Variants in TCERG1L observed in about 807,000 individuals in gnomAD.
The protein encoded by TCERG1L is transcription elongation regulator 1-like protein.
A neutral mutation model predicts 56.3 loss-of-function variants in TCERG1L; 37 were observed. That is an observed-to-expected ratio of 0.66 (90% CI 0.51 to 0.87). The LOEUF is 0.87. Among genes scored for constraint, TCERG1L ranks in the 40% least tolerant of loss-of-function variants. TCERG1L has a pLI of 0.00. For synonymous variants in TCERG1L, 324 were observed against 326.3 expected, an observed-to-expected ratio of 0.99 and a Z score of 0.08; for missense variants, 799 against 774.2, an observed-to-expected ratio of 1.03 and a Z score of -0.38.
chr10:131,308,076 T>C (rs1048737278), intron 3 of TCERG1L, 135 bp downstream of exon 3: 6 of 1,040,108 alleles, frequency 5.8e-6, no homozygotes, highest in Admixed American at 3.0e-5. Context: ...AAAAGCTTCA[T>C]GCTTGTGAAA....
In TCERG1L at chr10:131,311,181, G is replaced by T; in HGVS notation, c.342+113C>A. The T allele has an allele frequency of 1.2e-6, 1 of 866,628 alleles. No homozygotes were observed. Among genetic ancestry groups the T allele is most frequent in the Non-Finnish European group, 1.5e-6 (1 of 674,922 alleles). The allele number at this position is 866,628 out of a possible 1,614,324, so 53.7% of individuals were successfully genotyped here. ...CCGTCCTGAGGGTTTGGGGCGGCGA[G>T]GACCGCCGGGGAGGAGGGCGCGCGA... On this transcript the variant is annotated intron_variant, in intron 1 of 11. Transcript: ENST00000368642. The surrounding 1 kb of genome is among the most constrained non-coding windows in gnomAD (Gnocchi z 4.0).
At chr10:131,178,185 C>G (rs1332585263) in intron 4 of TCERG1L, among the ~76,000 whole-genome samples, 3 of 152,078 alleles carry the variant, frequency 2.0e-5, no homozygotes, top group African/African-American at 4.8e-5. Context: ...GAGCCTTTGC[C>G]CGGGGAGGTC....
At chr10:131,234,992 G>A (rs922554342) in intron 4 of TCERG1L, among the ~76,000 whole-genome samples, 18 of 152,162 alleles carry the variant, frequency 1.2e-4, no homozygotes, top group Non-Finnish European at 1.6e-4. Context: ...GTGAGCCACC[G>A]TGCTCAGCTG....
At chr10:131,276,924 C>T (rs761826196) in intron 3 of TCERG1L, among the ~76,000 whole-genome samples, 134 of 152,152 alleles carry the variant, frequency 8.8e-4, no homozygotes, top group Admixed American at 1.4e-3. Flanking sequence ...AATGAATATG[C>T]GCAGTATTGG....
intron 3 of TCERG1L, among the ~76,000 whole-genome samples, chr10:131,304,359 G>A (rs1430744293): frequency 6.6e-6 from 1 of 152,022 alleles, no homozygotes; most frequent in Non-Finnish European, 1.5e-5. Flanking sequence ...AGACTCCTTG[G>A]AGGGTACTCT....
chr10:131,214,657 G>A (rs1158282792), intron 4 of TCERG1L, among the ~76,000 whole-genome samples: 1 of 152,176 alleles, frequency 6.6e-6, no homozygotes, highest in African/African-American at 2.4e-5. Context: ...CACTCATACA[G>A]GGATTTCCAG....
At chr10:131,156,451 C>T (rs1023215069) in intron 6 of TCERG1L, among the ~76,000 whole-genome samples, 1 of 152,080 alleles carries the variant, frequency 6.6e-6, no homozygotes, top group African/African-American at 2.4e-5. Context: ...AAAGCATGTC[C>T]CTGGGATTTG....
intron 4 of TCERG1L, among the ~76,000 whole-genome samples, chr10:131,191,864 C>CAAAAAAAAAAAAAAAA (rs59816491): frequency 3.9e-3 from 113 of 28,636 alleles, no homozygotes; most frequent in East Asian, 6.8e-3. Flanking sequence ...GACTCCGTCT[C>CAAAAAAAAAAAAAAAA]AAAAAAAAAA....
At chr10:131,173,625 C>T (rs184486576) in intron 4 of TCERG1L, among the ~76,000 whole-genome samples, 146 of 152,312 alleles carry the variant, frequency 9.6e-4, no homozygotes, top group South Asian at 5.2e-3. Flanking sequence ...CCAGCCCCGG[C>T]GCAAGGCGGA....
chr10:131,261,876 A>C (rs1351526996), intron 3 of TCERG1L, among the ~76,000 whole-genome samples: 1 of 152,208 alleles, frequency 6.6e-6, no homozygotes, highest in Non-Finnish European at 1.5e-5. Flanking sequence ...TGGCCAGGAA[A>C]GTCCTCACTG....
chr10:131,220,794 G>A (rs1227325872), intron 4 of TCERG1L, among the ~76,000 whole-genome samples: 1 of 152,224 alleles, frequency 6.6e-6, no homozygotes, highest in Admixed American at 6.5e-5. Flanking sequence ...CCAGAGCCAG[G>A]ATGAGGAAAG....
chr10:131,096,106 T>A (rs1476928726), intron 11 of TCERG1L, among the ~76,000 whole-genome samples: 1 of 152,214 alleles, frequency 6.6e-6, no homozygotes, highest in Non-Finnish European at 1.5e-5. Context: ...CCTCACGCCA[T>A]CCTCCTCGTC....
chr10:131,222,627 T>C (rs1845746051), intron 4 of TCERG1L, among the ~76,000 whole-genome samples: 1 of 152,186 alleles, frequency 6.6e-6, no homozygotes, highest in African/African-American at 2.4e-5. Flanking sequence ...CTGGCCCCAT[T>C]CAGAGGGTCC....
intron 4 of TCERG1L, among the ~76,000 whole-genome samples, chr10:131,189,151 G>C (rs2133460530): frequency 6.6e-6 from 1 of 152,308 alleles, no homozygotes; most frequent in Middle Eastern, 3.4e-3. Flanking sequence ...GTAAAAGAAA[G>C]TCTGCTTAGA....
At chr10:131,149,075 T>A (rs546450105) in intron 6 of TCERG1L, among the ~76,000 whole-genome samples, 1 of 152,340 alleles carries the variant, frequency 6.6e-6, no homozygotes, top group East Asian at 1.9e-4. Flanking sequence ...CAGGTGACCC[T>A]GAGAAGGTCG....
At chr10:131,309,834 CAAAA>C (rs58892586) in intron 1 of TCERG1L, among the ~76,000 whole-genome samples, 22 of 49,850 alleles carry the variant, frequency 4.4e-4, no homozygotes, top group African/African-American at 1.3e-3. Context: ...GATTCTATGG[CAAAA>C]AAAAAAAAAA....
intron 4 of TCERG1L, among the ~76,000 whole-genome samples, chr10:131,248,948 G>C (rs1434044430): frequency 6.6e-6 from 1 of 152,164 alleles, no homozygotes; most frequent in Non-Finnish European, 1.5e-5. Flanking sequence ...GGCCGCCCTC[G>C]GCAGGACCAG....
chr10:131,122,046 G>A (rs1891804), intron 8 of TCERG1L, among the ~76,000 whole-genome samples: 7,208 of 152,264 alleles, frequency 0.047, 291 homozygotes, highest in East Asian at 0.2. Context: ...TGACCGCACC[G>A]TGCCACACAC....
intron 4 of TCERG1L, among the ~76,000 whole-genome samples, chr10:131,242,755 C>T (rs1393062117): frequency 6.6e-6 from 1 of 152,168 alleles, no homozygotes; most frequent in African/African-American, 2.4e-5. Flanking sequence ...AGAAGAGAAG[C>T]TCACTGGAGC....
Sources: allele counts gnomAD v4.1 joint callset (sites outside exome capture counted in the v4.1 genomes callset), GRCh38; gene constraint gnomAD v4.1.1; non-coding constraint Gnocchi (gnomAD v3.1); transcripts MANE v1.5; gene names NCBI Gene and HGNC (gene_info 2026-07-23, HGNC 2026-07-21).